The following PLEKHG4 variants were observed in gnomAD, a reference collection of about 807,000 sequenced individuals.
PLEKHG4 encodes the protein pleckstrin homology and RhoGEF domain containing G4, also known as puratrophin-1.
In PLEKHG4, 85 loss-of-function variants were observed where a neutral mutation model predicts 136.9. That is an observed-to-expected ratio of 0.62 (90% CI 0.52 to 0.74). The LOEUF is 0.74. Ranked by LOEUF, PLEKHG4 falls within the 30% of genes least tolerant of loss-of-function variation. The pLI is 0.00. For synonymous variants in PLEKHG4, 577 were observed against 646.9 expected (o/e 0.89, Z 1.64); for missense variants, 1,317 against 1,527.8 (o/e 0.86, Z 2.30).
At chr16:67,279,234 G>T, upstream of PLEKHG4, 1 of 152,268 alleles carries the variant, frequency 6.6e-6, no homozygotes, top group South Asian at 2.0e-4. Context: ...TGGAGCTGCC[G>T]ACCGTTGGTC....
intron 5 of PLEKHG4, 42 bp downstream of exon 5, chr16:67,281,226 T>G: frequency 1.5e-6 from 1 of 654,760 alleles, no homozygotes; most frequent in Non-Finnish European, 2.3e-6. Flanking sequence ...TTTTCTTTTC[T>G]TTTTTTTTTT....
rs771601769 is a variant in PLEKHG4 at position 67,284,894 on chromosome 16, G to A, written c.1874G>A (p.Cys625Tyr). ...GLGSEAIRQE[C>Y]RWAWARCQDT... The stretch of plus-strand genomic sequence containing the variant: ...GGCTCAGAGGCCATCCGCCAGGAGT[G>A]CCGCTGGGCCTGGGCGCGGTGCCAG... Residue 625 changes from cysteine (C) to tyrosine (Y), a missense_variant, in exon 13 of 22, where the codon TGC becomes TAC. Coordinates refer to ENST00000379344, the MANE Select transcript of PLEKHG4 (RefSeq NM_001129729.3). The surrounding 1 kb of genome is among the most constrained non-coding windows in gnomAD (Gnocchi z 4.4). 13 of 1,612,542 alleles carry A rather than the reference G, an allele frequency of 8.1e-6. No homozygotes were observed. The highest frequency in any genetic ancestry group is 3.3e-5 in the South Asian group (3 of 91,034).
In PLEKHG4 at chr16:67,282,231, G is replaced by A. The variant is rs1337474289; in HGVS notation, c.1135G>A (p.Val379Ile). 1.2e-6 allele frequency: 2 copies of A among 1,613,574 alleles called. No individual in the cohort carries two copies. Among genetic ancestry groups the A allele is most frequent in the East Asian group, 2.2e-5 (1 of 44,888 alleles). The change falls in exon 9 of 22, where the codon GTC (valine) becomes ATC (isoleucine). Residue 379 changes from valine to isoleucine, a missense_variant. Physicochemically the swap from Val to Ile is conservative, Grantham distance 29 (BLOSUM62 3). Transcript: ENST00000379344. Reference sequence around the variant, plus strand: ...CGGTCAGCTGCTACAGCAGACAGAGGTCCTGATGCAGCAGGTGCTAGACTC... The same window carrying A: ...CGGTCAGCTGCTACAGCAGACAGAGATCCTGATGCAGCAGGTGCTAGACTC... The part of the protein sequence containing the change: ...EVGQLLQQTE[V>I]LMQQVLDSPW...
At position 67,282,255 on chromosome 16, in the gene PLEKHG4, T is replaced by C. The variant is rs2036265809; in HGVS notation, c.1159T>C (p.Ser387Pro). The change falls in exon 9 of 22, where the codon TCG (serine) becomes CCG (proline). Residue 387 changes from serine (S) to proline (P), a missense_variant. Coordinates refer to ENST00000379344, the MANE Select transcript of PLEKHG4 (RefSeq NM_001129729.3). ...GGTCCTGATGCAGCAGGTGCTAGAC[T>C]CGCCATGGCTGGCATGGCTACAATG... is the stretch of plus-strand genomic sequence containing the variant. ...TEVLMQQVLD[S>P]PWLAWLQCQG... The C allele has an allele frequency of 6.2e-7, 1 of 1,613,360 alleles. No individual in the cohort carries two copies. The highest frequency in any genetic ancestry group is 1.3e-5 in the African/African-American group (1 of 74,936).
Position 67,284,559 on chromosome 16 carries a change from C to T in PLEKHG4, c.1692+102C>T. Reference sequence around the variant, plus strand: ...GCTTTTCTTGGTCATGCTGCCTGTTCTCTTCCCTGGTCTTCAGTTTGACCC... The same window carrying T: ...GCTTTTCTTGGTCATGCTGCCTGTTTTCTTCCCTGGTCTTCAGTTTGACCC... On this transcript the variant is annotated intron_variant, in intron 12 of 21. Coordinates refer to ENST00000379344, the MANE Select transcript of PLEKHG4 (RefSeq NM_001129729.3). The surrounding 1 kb of genome is among the most constrained non-coding windows in gnomAD (Gnocchi z 4.4). 6.8e-7 allele frequency: 1 copy of T among 1,477,662 alleles called. No individual in the cohort carries two copies. The highest frequency in any genetic ancestry group is 2.3e-5 in the East Asian group (1 of 42,928). 91.5% of individuals were successfully genotyped at this position (1,477,662 alleles called of 1,614,324 possible).
At position 67,285,345 on chromosome 16, in the gene PLEKHG4, C is replaced by G; in HGVS notation, c.2251C>G (p.Leu751Val). The change falls in exon 14 of 22, where the codon CTA (leucine) becomes GTA (valine). Residue 751 changes from leucine to valine, a missense_variant. By Grantham distance (32) the Leu-to-Val change is conservative. Coordinates refer to ENST00000379344, the MANE Select transcript of PLEKHG4 (RefSeq NM_001129729.3). ...VATEREYVRA[L>V]EYTMENYFPE... is the part of the protein sequence containing the mutation. ...CACGGAGCGGGAGTATGTCCGGGCTCTAGAGTACACTATGGAGAACTATTT... is the reference window on the plus strand; with the variant it reads ...CACGGAGCGGGAGTATGTCCGGGCTGTAGAGTACACTATGGAGAACTATTT... 1 of 1,614,216 alleles carries G rather than the reference C, an allele frequency of 6.2e-7. No individual in the cohort carries two copies. Among genetic ancestry groups the G allele is most frequent in the Non-Finnish European group, 8.5e-7 (1 of 1,180,042 alleles).
At position 67,280,283 on chromosome 16, in the gene PLEKHG4, G is replaced by A. The variant is rs1176295412; in HGVS notation, c.239G>A (p.Gly80Glu). 6.2e-7 allele frequency: 1 copy of A among 1,613,738 alleles called. No homozygotes were observed. Among genetic ancestry groups the A allele is most frequent in the Non-Finnish European group, 8.5e-7 (1 of 1,180,026 alleles). ...TTACCCCCAGCTGCAGATGAGTCGG[G>A]GGATGCCCAGAGGGGCACAGTAGAA... ...FQLPPAADES[G>E]DAQRGTVESS... The change falls in exon 2 of 22, where the codon GGG (glycine) becomes GAG (glutamate). Residue 80 changes from glycine (G) to glutamate (E), a missense_variant. Gly to Glu is a moderately conservative substitution (Grantham distance 98). Coordinates refer to ENST00000379344, the MANE Select transcript of PLEKHG4 (RefSeq NM_001129729.3). The surrounding 1 kb of genome is among the most constrained non-coding windows in gnomAD (Gnocchi z 4.4).
intron 18 of PLEKHG4, 141 bp downstream of exon 18, chr16:67,287,318 CA>C: frequency 1.2e-6 from 1 of 832,224 alleles, no homozygotes; most frequent in Non-Finnish European, 2.0e-6. Context: ...GAAAGGATTT[CA>C]AAGCCAGGCA....
In PLEKHG4 at chr16:67,280,851, A is replaced by T; in HGVS notation, c.596-31A>T. Reference sequence around the variant, plus strand: ...GGCGGTGGAGGTGGAGTGGCCCAATACGGCAGGAGTTCACTGCTTCCTCCC... The same window carrying T: ...GGCGGTGGAGGTGGAGTGGCCCAATTCGGCAGGAGTTCACTGCTTCCTCCC... On this transcript the variant is annotated intron_variant, in intron 3 of 21. Transcript: ENST00000379344. This position sits in a 1 kb window ranked among gnomAD's most constrained non-coding sequence, Gnocchi z 4.4. 6.2e-7 allele frequency: 1 copy of T among 1,613,378 alleles called. No homozygotes were observed. Among genetic ancestry groups the T allele is most frequent in the Non-Finnish European group, 8.5e-7 (1 of 1,180,028 alleles).
Position 67,289,255 on chromosome 16 carries a change from C to T in PLEKHG4, c.*447C>T. On this transcript the variant is annotated 3_prime_UTR_variant, in exon 22 of 22. Coordinates refer to ENST00000379344, the MANE Select transcript of PLEKHG4 (RefSeq NM_001129729.3). ...TCAGTTACCATAGGGACAGGTCCAC[C>T]TCTACTGGGCCCTCATGCTTGCCTT... 7.0e-6 allele frequency: 3 copies of T among 426,232 alleles called. No homozygotes were observed. The highest frequency in any genetic ancestry group is 5.8e-5 in the South Asian group (2 of 34,582). 26.4% of individuals were successfully genotyped at this position (426,232 alleles called of 1,614,324 possible).
chr16:67,279,850 CCCTTAACGTTATTCCCTCTTCCCAGG>C lies in PLEKHG4; in HGVS notation c.-169-22_-166del. ...GACGGGGGACCTGGACAGAGGGACA[CCCTTAACGTTATTCCCTCTTCCCAGG>C]CCTGAATTGCAGTTCCTGTGCCCTG... On this transcript the variant is annotated splice_acceptor_variant and splice_polypyrimidine_tract_variant and 5_prime_UTR_variant and intron_variant, in exon 2 of 22. Transcript: ENST00000379344. LOFTEE classifies it low-confidence loss of function (5UTR_SPLICE). The C allele has an allele frequency of 1.6e-6, 1 of 613,604 alleles. No individual in the cohort carries two copies. The highest frequency in any genetic ancestry group is 2.0e-5 in the South Asian group (1 of 51,104). The allele number at this position is 613,604 out of a possible 1,614,324, so 38.0% of individuals were successfully genotyped here. A position where few individuals can be genotyped will look rare whatever the true frequency, so the allele number is the denominator to read the frequency against.
At position 67,284,348 on chromosome 16, in the gene PLEKHG4, G is replaced by C. The variant is rs764669427; in HGVS notation, c.1583G>C (p.Gly528Ala). ...GWEAAELDPPGARFLALRAQL... is the reference protein window; with the variant it reads ...GWEAAELDPPAARFLALRAQL... ...GAGGCGGCTGAACTGGACCCCCCTG[G>C]GGCACGCTTTCTGGCCCTGCGAGCC... Residue 528 changes from glycine to alanine, a missense_variant, in exon 12 of 22, where the codon GGG (glycine) becomes GCG (alanine). Coordinates refer to ENST00000379344, the MANE Select transcript of PLEKHG4 (RefSeq NM_001129729.3). This position sits in a 1 kb window ranked among gnomAD's most constrained non-coding sequence, Gnocchi z 4.4. The C allele has an allele frequency of 6.2e-7, 1 of 1,613,944 alleles. No homozygotes were observed. The highest frequency in any genetic ancestry group is 1.1e-5 in the South Asian group (1 of 91,080).
In PLEKHG4 at chr16:67,284,738, A is replaced by G. The variant is rs372286757; in HGVS notation, c.1718A>G (p.Gln573Arg). 154 of 1,613,816 alleles carry G rather than the reference A, an allele frequency of 9.5e-5. 1 individual carries two copies. Among genetic ancestry groups the G allele is most frequent in the Non-Finnish European group, 1.3e-4 (153 of 1,179,972 alleles). ...GCCTTGACGTGGGCTGAGGAGGGGC[A>G]GCGAGTGTTGGCAGAGCTGGAGCAG... ...REALTWAEEGQRVLAELEQER... is the reference protein window; with the variant it reads ...REALTWAEEGRRVLAELEQER... Residue 573 changes from glutamine to arginine, a missense_variant, in exon 13 of 22, where the codon CAG (glutamine) becomes CGG (arginine). Physicochemically the swap from Gln to Arg is conservative, Grantham distance 43 (BLOSUM62 1). Coordinates refer to ENST00000379344, the MANE Select transcript of PLEKHG4 (RefSeq NM_001129729.3). The surrounding 1 kb of genome is among the most constrained non-coding windows in gnomAD (Gnocchi z 4.4).
At position 67,288,266 on chromosome 16, in the gene PLEKHG4, C is replaced by A; in HGVS notation, c.3320C>A (p.Ser1107Tyr). ...CTTCCTGGAGACCCTGCCTCTTGCT[C>A]TGTTCTGGGGTCCCTCAACCTGCAC... The part of the protein sequence containing the change: ...NSLPGDPASC[S>Y]VLGSLNLHLY... Residue 1107 changes from serine to tyrosine, a missense_variant, in exon 20 of 22, where the codon TCT becomes TAT. Coordinates refer to ENST00000379344, the MANE Select transcript of PLEKHG4 (RefSeq NM_001129729.3). 2 of 1,613,696 alleles carry A rather than the reference C, an allele frequency of 1.2e-6. No individual in the cohort carries two copies. The highest frequency in any genetic ancestry group is 4.5e-5 in the East Asian group (2 of 44,876).
At position 67,282,286 on chromosome 16, in the gene PLEKHG4, G is replaced by A. The variant is rs766318538; in HGVS notation, c.1190G>A (p.Gly397Glu). 9.3e-6 allele frequency: 15 copies of A among 1,613,084 alleles called. No homozygotes were observed. The Middle Eastern group carries it at 4.9e-4, about 53-fold the overall frequency. ...SPWLAWLQCQ[G>E]GRELTWLKQE... The stretch of plus-strand genomic sequence containing the variant: ...TGGCTGGCATGGCTACAATGCCAGG[G>A]GGGCCGGGAGCTGACATGGCTGAAG... The change falls in exon 9 of 22, where the codon GGG (glycine) becomes GAG (glutamate). Residue 397 changes from glycine (G) to glutamate (E), a missense_variant. Transcript: ENST00000379344.
In PLEKHG4 at chr16:67,286,374, C is replaced by T. The variant is rs369501564; in HGVS notation, c.2532+11C>T. On this transcript the variant is annotated intron_variant, in intron 15 of 21. Transcript: ENST00000379344. ...CACACCTTCTTCAAGGTAAGTGAAC[C>T]TGAGATTAGGAGGAGTAGGGGATGC... The T allele has an allele frequency of 3.3e-5, 54 of 1,612,358 alleles. No individual in the cohort carries two copies. The highest frequency in any genetic ancestry group is 1.4e-4 in the South Asian group (13 of 91,046).
In PLEKHG4 at chr16:67,286,464, G is replaced by A. The variant is rs1317639834; in HGVS notation, c.2552G>A (p.Gly851Glu). 5.6e-6 allele frequency: 9 copies of A among 1,610,750 alleles called. No individual in the cohort carries two copies. Among genetic ancestry groups the A allele is most frequent in the Non-Finnish European group, 6.8e-6 (8 of 1,178,198 alleles). The change falls in exon 16 of 22, where the codon GGG becomes GAG. Residue 851 changes from glycine (G) to glutamate (E), a missense_variant. Coordinates refer to ENST00000379344, the MANE Select transcript of PLEKHG4 (RefSeq NM_001129729.3). ...CCACAGGACAAGCAGCAAGCACTGG[G>A]GGACCACCTGGACCTGGCCTCCTAC... is the stretch of plus-strand genomic sequence containing the variant. ...TFFKDKQQAL[G>E]DHLDLASYLL... is the part of the protein sequence containing the mutation.
At position 67,279,943 on chromosome 16, in the gene PLEKHG4, G is replaced by C. The variant is rs897302535; in HGVS notation, c.-102G>C. ...CTCCTGCGGCCCATGCCCTTCGCCT[G>C]CATTGCCCACTGAGTCCCACTCGAC... On this transcript the variant is annotated 5_prime_UTR_variant, in exon 2 of 22. Coordinates refer to ENST00000379344, the MANE Select transcript of PLEKHG4 (RefSeq NM_001129729.3). 30 of 1,242,326 alleles carry C rather than the reference G, an allele frequency of 2.4e-5. No homozygotes were observed. In the African/African-American group the frequency reaches 4.5e-4, roughly 19 times the overall value. 77.0% of individuals were successfully genotyped at this position (1,242,326 alleles called of 1,614,324 possible). A position where few individuals can be genotyped will look rare whatever the true frequency, so the allele number is the denominator to read the frequency against.
chr16:67,282,427 C>G, intron 9 of PLEKHG4, 76 bp from the exon 10 acceptor site: 2 of 1,613,122 alleles, frequency 1.2e-6, no homozygotes, highest in Non-Finnish European at 1.7e-6. Context: ...TAGCTCAGAA[C>G]CTGGTAGGAC....
Sources: allele counts gnomAD v4.1 joint callset, GRCh38; gene constraint gnomAD v4.1.1; non-coding constraint Gnocchi (gnomAD v3.1); transcripts MANE v1.5; gene names NCBI Gene and HGNC (gene_info 2026-07-23, HGNC 2026-07-21).